Variants in STK31 observed in about 807,000 individuals in gnomAD.
The protein encoded by STK31 is serine/threonine kinase 31.
Under a neutral mutation model 129.7 loss-of-function variants are expected in STK31, and 89 were observed. The ratio of observed to expected loss-of-function variants is 0.69; its 90% confidence interval spans 0.58 to 0.82. The LOEUF is 0.82. Ranked by LOEUF, STK31 falls within the 40% of genes least tolerant of loss-of-function variation. The pLI, the probability that STK31 is intolerant of heterozygous loss-of-function variation, is 0.00. For synonymous variants in STK31, 448 were observed against 395.3 expected (o/e 1.13, Z -1.58); for missense variants, 1,187 against 1,176.4 (o/e 1.01, Z -0.13).
intron 7 of STK31, 90 bp downstream of exon 7, chr7:23,735,986 T>C: frequency 9.2e-7 from 1 of 1,088,030 alleles, no homozygotes; most frequent in Non-Finnish European, 1.3e-6. Flanking sequence ...TTTGGAATCC[T>C]TTACTGTGTC....
rs543315010 is a variant in STK31 at position 23,736,498 on chromosome 7, A to G, written c.843-406A>G. Among the ~76,000 whole-genome samples the G allele has an allele frequency of 6.1e-4, 84 of 138,052 alleles. No individual in the cohort carries two copies. In the South Asian group the frequency reaches 0.015, roughly 25 times the overall value. 90.6% of individuals were successfully genotyped at this position (138,052 alleles called of 152,430 possible). A position where few individuals can be genotyped will look rare whatever the true frequency, so the allele number is the denominator to read the frequency against. On this transcript the variant is annotated intron_variant, in intron 7 of 23. Coordinates refer to ENST00000355870, the MANE Select transcript of STK31 (RefSeq NM_031414.5). Reference sequence around the variant, plus strand: ...TGACATAGCTGTTTGATGGGATCTCATCAGTGCTTTAGGAGCTAAACTGTC... The same window carrying G: ...TGACATAGCTGTTTGATGGGATCTCGTCAGTGCTTTAGGAGCTAAACTGTC...
chr7:23,811,368 A>G, intron 22 of STK31: 2 of 368,618 alleles, frequency 5.4e-6, no homozygotes, highest in Non-Finnish European at 1.1e-5. Flanking sequence ...CCTTTGATTG[A>G]TTTAATGTAA....
intron 11 of STK31, among the ~76,000 whole-genome samples, chr7:23,768,424 A>T (rs1027519644): frequency 1.3e-5 from 2 of 152,204 alleles, no homozygotes; most frequent in African/African-American, 4.8e-5. Context: ...TATATGTTTA[A>T]TGTCTTTACT....
At chr7:23,774,467 C>G (rs901974535) in intron 15 of STK31, among the ~76,000 whole-genome samples, 1 of 152,108 alleles carries the variant, frequency 6.6e-6, no homozygotes, top group Admixed American at 6.6e-5. Flanking sequence ...TTTTAATGAT[C>G]ACCATTCTAA....
intron 6 of STK31, among the ~76,000 whole-genome samples, chr7:23,733,035 T>C (rs1397365285): frequency 6.6e-6 from 1 of 152,154 alleles, no homozygotes; most frequent in African/African-American, 2.4e-5. Context: ...TTGTTATTTA[T>C]ACTGATATAA....
chr7:23,772,285 A>T lies in STK31; in HGVS notation c.1965+7A>T, dbSNP rs556493449. 9.0e-5 allele frequency: 144 copies of T among 1,600,302 alleles called. No homozygotes were observed. In the South Asian group the frequency reaches 1.6e-3, roughly 17 times the overall value. ...AAAGAGTAATTTGGAAGAGGTAAGG[A>T]AACAGTTGTTTCTTACTGATCTTTA... On this transcript the variant is annotated splice_region_variant and intron_variant, in intron 15 of 23. Coordinates refer to ENST00000355870, the MANE Select transcript of STK31 (RefSeq NM_031414.5).
chr7:23,760,797 T>C (rs1789415512), intron 10 of STK31, among the ~76,000 whole-genome samples: 1 of 108,880 alleles, frequency 9.2e-6, no homozygotes, highest in South Asian at 2.8e-4. Context: ...TAGCTAGGAC[T>C]ACAGGCGGTG....
rs534451654 is a variant in STK31, at chr7:23,747,569, T to G, written c.1018-5148T>G. Reference sequence around the variant, plus strand: ...ATTTTTAGTAGAGACGGGGTTTCACTATGTTAGCCAGGATGGTCTCAATCT... The same window carrying G: ...ATTTTTAGTAGAGACGGGGTTTCACGATGTTAGCCAGGATGGTCTCAATCT... On this transcript the variant is annotated intron_variant, in intron 8 of 23. Coordinates refer to ENST00000355870, the MANE Select transcript of STK31 (RefSeq NM_031414.5). 4.2e-3 allele frequency among the ~76,000 whole-genome samples: 638 copies of G among 151,884 alleles called. 10 individuals carry two copies. The highest frequency in any genetic ancestry group is 0.014 in the African/African-American group (584 of 41,464).
At chr7:23,758,463 C>G (rs888363224) in intron 10 of STK31, among the ~76,000 whole-genome samples, 26 of 149,690 alleles carry the variant, frequency 1.7e-4, no homozygotes, top group African/African-American at 5.9e-4. Context: ...GTGTGTGTGT[C>G]TCTGTCTCCT....
chr7:23,728,470 AC>A (rs1170114508), intron 5 of STK31, among the ~76,000 whole-genome samples: 1 of 152,066 alleles, frequency 6.6e-6, no homozygotes, highest in Non-Finnish European at 1.5e-5. Flanking sequence ...TTTCTAATTG[AC>A]CTTTCTCCCA....
chr7:23,810,376 T>G (rs1793011345), intron 22 of STK31, among the ~76,000 whole-genome samples: 1 of 151,354 alleles, frequency 6.6e-6, no homozygotes, highest in Admixed American at 6.6e-5. Context: ...ATTGGGGTTT[T>G]TAGGCCATTT....
At chr7:23,791,571 T>TG (rs1362116364) in intron 22 of STK31, among the ~76,000 whole-genome samples, 3 of 152,200 alleles carry the variant, frequency 2.0e-5, no homozygotes, top group Non-Finnish European at 4.4e-5. Context: ...CATGACACAC[T>TG]GTTTACCCAT....
At chr7:23,781,021 A>C (rs1562596471) in intron 15 of STK31, among the ~76,000 whole-genome samples, 1 of 152,148 alleles carries the variant, frequency 6.6e-6, no homozygotes, top group African/African-American at 2.4e-5. Flanking sequence ...ACATTTACTC[A>C]TCCTTTTGTT....
intron 8 of STK31, among the ~76,000 whole-genome samples, chr7:23,751,623 C>G (rs940197835): frequency 7.2e-5 from 11 of 152,278 alleles, no homozygotes; most frequent in Non-Finnish European, 1.5e-4. Context: ...GATTCTTTCT[C>G]TACTTATTCA....
intron 4 of STK31, among the ~76,000 whole-genome samples, chr7:23,720,210 TG>T: frequency 6.6e-6 from 1 of 152,302 alleles, no homozygotes; most frequent in East Asian, 1.9e-4. Flanking sequence ...GAACATGGCA[TG>T]GGTCCCAAAG....
chr7:23,725,454 G>C (rs1787006107), intron 4 of STK31, among the ~76,000 whole-genome samples: 1 of 151,694 alleles, frequency 6.6e-6, no homozygotes, highest in African/African-American at 2.4e-5. Context: ...GAAGCGGGAG[G>C]ATTGTGTGAG....
chr7:23,828,945 G>C (rs1323697265), intron 23 of STK31, among the ~76,000 whole-genome samples: 2 of 151,470 alleles, frequency 1.3e-5, no homozygotes, highest in African/African-American at 4.9e-5. Flanking sequence ...GTGTTGCCCA[G>C]CTGGAGTGCA....
At chr7:23,738,625 C>T (rs1032390814) in intron 8 of STK31, among the ~76,000 whole-genome samples, 2 of 152,072 alleles carry the variant, frequency 1.3e-5, no homozygotes, top group South Asian at 4.2e-4. Context: ...GGCATGATCT[C>T]GGCTCACTGC....
At chr7:23,823,927 T>G (rs1793944336) in intron 23 of STK31, among the ~76,000 whole-genome samples, 1 of 152,214 alleles carries the variant, frequency 6.6e-6, no homozygotes, top group African/African-American at 2.4e-5. Context: ...GTATTATTTC[T>G]GAGGCCTCTG....
Sources: gnomAD v4.1 joint callset for allele counts (sites outside exome capture counted in the v4.1 genomes callset) on GRCh38, gnomAD v4.1.1 for gene constraint, MANE v1.5 for transcripts, NCBI Gene and HGNC (gene_info 2026-07-23, HGNC 2026-07-21) for gene names.